The following ABHD12 variants were observed in gnomAD, a reference collection of about 807,000 sequenced individuals.
ABHD12 encodes abhydrolase domain containing 12, lysophospholipase, also known as lysophosphatidylserine lipase ABHD12.
A neutral mutation model predicts 58.3 loss-of-function variants in ABHD12; 43 were observed. The ratio of observed to expected loss-of-function variants is 0.74; its 90% confidence interval spans 0.58 to 0.95. The LOEUF is 0.95. ABHD12 is among the 40% of genes least tolerant of loss of function. ABHD12 has a pLI of 0.00. For missense variants in ABHD12, 539 were observed against 537.2 expected, an observed-to-expected ratio of 1.00 and a Z score of -0.03; for synonymous variants, 219 against 211.2, an observed-to-expected ratio of 1.04 and a Z score of -0.32.
At chr20:25,385,036 T>G (rs1321266210) in intron 1 of ABHD12, among the ~76,000 whole-genome samples, 2 of 151,970 alleles carry the variant, frequency 1.3e-5, no homozygotes, top group Non-Finnish European at 2.9e-5. Flanking sequence ...CTGACTAGCC[T>G]AAATCAGGAG....
At chr20:25,326,358 G>A (rs1470465875) in intron 2 of ABHD12, among the ~76,000 whole-genome samples, 1 of 152,220 alleles carries the variant, frequency 6.6e-6, no homozygotes, top group Non-Finnish European at 1.5e-5. Flanking sequence ...GGTAAAACTG[G>A]CCTCATAACT....
chr20:25,329,053 A>C (rs921733907), intron 2 of ABHD12, among the ~76,000 whole-genome samples: 1 of 152,108 alleles, frequency 6.6e-6, no homozygotes, highest in Non-Finnish European at 1.5e-5. Context: ...CTGCTGGCTC[A>C]CTCCTGCAGG....
chr20:25,359,078 T>C lies in ABHD12; in HGVS notation c.192-19727A>G, dbSNP rs139013978. On this transcript the variant is annotated intron_variant, in intron 1 of 12. Coordinates refer to ENST00000339157, the MANE Select transcript of ABHD12 (RefSeq NM_001042472.3). Reference sequence around the variant, plus strand: ...AAACAAGTATACAATTACCCTAGCATGCATTAATGATGCCTCCTTTGTAAA... The same window carrying C: ...AAACAAGTATACAATTACCCTAGCACGCATTAATGATGCCTCCTTTGTAAA... Among the ~76,000 whole-genome samples, 207 of 149,852 alleles carry C rather than the reference T, an allele frequency of 1.4e-3. 1 individual carries two copies. Among genetic ancestry groups the C allele is most frequent in the African/African-American group, 4.8e-3 (195 of 40,612 alleles).
intron 3 of ABHD12, among the ~76,000 whole-genome samples, chr20:25,322,220 G>A (rs1446199308): frequency 1.3e-5 from 2 of 151,344 alleles, no homozygotes; most frequent in African/African-American, 2.4e-5. Context: ...GAAGTCACAA[G>A]GCTTATGTCC....
At chr20:25,311,398 C>A (rs2088846838) in intron 6 of ABHD12, among the ~76,000 whole-genome samples, 1 of 152,216 alleles carries the variant, frequency 6.6e-6, no homozygotes, top group African/African-American at 2.4e-5. Flanking sequence ...CAGGCATTCT[C>A]CCTGAGAGCC....
Position 25,317,041 on chromosome 20 carries a change from C to T in ABHD12, c.573+7G>A, listed in dbSNP as rs777199862. ...AGGGAACAGGTGTGGGTGCTGCCTG[C>T]ACTCACCTTGTAAAGCTCCACGCGG... is the stretch of plus-strand genomic sequence containing the variant. On this transcript the variant is annotated splice_region_variant and intron_variant, in intron 5 of 12. Coordinates refer to ENST00000339157, the MANE Select transcript of ABHD12 (RefSeq NM_001042472.3). 111 of 1,612,576 alleles carry T rather than the reference C, an allele frequency of 6.9e-5. No individual in the cohort carries two copies. The highest frequency in any genetic ancestry group is 1.5e-4 in the Admixed American group (9 of 60,000).
chr20:25,357,149 C>T (rs866935969), intron 1 of ABHD12, among the ~76,000 whole-genome samples: 4 of 152,302 alleles, frequency 2.6e-5, no homozygotes, highest in Middle Eastern at 3.4e-3. Flanking sequence ...GTGCCCCATG[C>T]TGCTGTCCCC....
At chr20:25,304,972 AC>A (rs1177866528) in intron 10 of ABHD12, among the ~76,000 whole-genome samples, 1 of 151,406 alleles carries the variant, frequency 6.6e-6, no homozygotes, top group East Asian at 1.9e-4. Context: ...GCTCACTGCA[AC>A]CTCCGCCTCC....
At chr20:25,320,391 G>GAC in intron 3 of ABHD12, 73 bp from the exon 4 acceptor site, 2 of 1,598,210 alleles carry the variant, frequency 1.3e-6, no homozygotes, top group African/African-American at 2.7e-5. Context: ...TGCACGTGGT[G>GAC]TTACTTAATC....
chr20:25,306,556 A>AT (rs1386499372), intron 10 of ABHD12, among the ~76,000 whole-genome samples: 1 of 151,966 alleles, frequency 6.6e-6, no homozygotes, highest in Non-Finnish European at 1.5e-5. Flanking sequence ...CAATTTTTGG[A>AT]TTTTTTGTAG....
chr20:25,296,701 C>T (rs2088552465), downstream of ABHD12: 3 of 794,766 alleles, frequency 3.8e-6, no homozygotes, highest in South Asian at 1.9e-5. Context: ...AAGGAATGTG[C>T]TAGAAGTGCT....
At chr20:25,324,805 T>A (rs2089145053) in intron 2 of ABHD12, among the ~76,000 whole-genome samples, 1 of 152,144 alleles carries the variant, frequency 6.6e-6, no homozygotes, top group Admixed American at 6.5e-5. Context: ...TCTTACTCCA[T>A]CTCTTTCCCA....
intron 1 of ABHD12, 36 bp downstream of exon 1, chr20:25,390,477 G>GGGGGGGCCC: frequency 3.0e-5 from 3 of 98,520 alleles, no homozygotes; most frequent in Non-Finnish European, 4.0e-5. Context: ...TGAGGGACCG[G>GGGGGGGCCC]CCCCCCCCCC....
intron 1 of ABHD12, among the ~76,000 whole-genome samples, chr20:25,348,048 A>G (rs1172258907): frequency 6.6e-6 from 1 of 152,006 alleles, no homozygotes; most frequent in African/African-American, 2.4e-5. Context: ...CGTCTCTATC[A>G]AAAATACAAA....
intron 1 of ABHD12, among the ~76,000 whole-genome samples, chr20:25,366,790 T>C (rs1363459749): frequency 6.6e-6 from 1 of 152,210 alleles, no homozygotes; most frequent in East Asian, 1.9e-4. Flanking sequence ...CACTCAACTA[T>C]TATTCCAACT....
At chr20:25,354,272 A>G (rs2089639618) in intron 1 of ABHD12, among the ~76,000 whole-genome samples, 1 of 152,214 alleles carries the variant, frequency 6.6e-6, no homozygotes, top group Admixed American at 6.5e-5. Flanking sequence ...CTGTGGTGCC[A>G]GTTCACAGGT....
chr20:25,303,672 A>T lies in ABHD12; in HGVS notation c.951-44T>A, dbSNP rs556645874. On this transcript the variant is annotated intron_variant, in intron 10 of 12. Transcript: ENST00000339157. ...GCTAGACCAAGACCAGGGAAAGGGC[A>T]GAGTTGCCCAGACCCTCTGTCCATG... 6 of 1,610,622 alleles carry T rather than the reference A, an allele frequency of 3.7e-6. No individual in the cohort carries two copies. In the African/African-American group the frequency reaches 4.0e-5, roughly 11 times the overall value.
At chr20:25,380,092 C>T (rs772140512) in intron 1 of ABHD12, among the ~76,000 whole-genome samples, 2 of 152,310 alleles carry the variant, frequency 1.3e-5, no homozygotes, top group African/African-American at 2.4e-5. Flanking sequence ...TAGTTGAGCC[C>T]TTTCTTTAGC....
chr20:25,301,316 CAGT>C (rs1484528791), intron 12 of ABHD12, among the ~76,000 whole-genome samples: 1 of 152,222 alleles, frequency 6.6e-6, no homozygotes, highest in African/African-American at 2.4e-5. Flanking sequence ...CAGAAGTTTG[CAGT>C]AGAATTACTC....
Sources: allele counts gnomAD v4.1 joint callset (sites outside exome capture counted in the v4.1 genomes callset), GRCh38; gene constraint gnomAD v4.1.1; transcripts MANE v1.5; gene names NCBI Gene and HGNC (gene_info 2026-07-23, HGNC 2026-07-21).